CFB: variants seen among roughly 807,000 people sequenced by gnomAD.
CFB encodes the protein B-factor, properdin.
In CFB, 59 loss-of-function variants were observed where a neutral mutation model predicts 97.2. That is an observed-to-expected ratio of 0.61 (90% CI 0.49 to 0.75). The LOEUF (loss-of-function observed/expected upper bound fraction) is 0.75. CFB is among the 30% of genes least tolerant of loss of function. The pLI is 0.00. For missense variants in CFB, 771 were observed against 959.8 expected (o/e 0.80, Z 2.60); for synonymous variants, 316 against 351.7 (o/e 0.90, Z 1.14).
Position 31,946,871 on chromosome 6 carries a change from A to G in CFB, c.299-136A>G. 1.1e-6 allele frequency: 1 copy of G among 907,086 alleles called. No individual in the cohort carries two copies. The highest frequency in any genetic ancestry group is 1.8e-6 in the Non-Finnish European group (1 of 564,144). 56.2% of individuals were successfully genotyped at this position (907,086 alleles called of 1,614,324 possible). On this transcript the variant is annotated intron_variant, in intron 2 of 17. Coordinates refer to ENST00000425368, the MANE Select transcript of CFB (RefSeq NM_001710.6). This position sits in a 1 kb window ranked among gnomAD's most constrained non-coding sequence, Gnocchi z 6.4. ...AAGCAGTGGAAATCCATATGGGTTG[A>G]GGAGTAGGTAAGATGCTGCTTCTGC...
chr6:31,949,887 C>A, intron 10 of CFB, 163 bp from the exon 11 acceptor site: 1 of 769,342 alleles, frequency 1.3e-6, no homozygotes, highest in Non-Finnish European at 2.2e-6. Context: ...TTTCCCTTTT[C>A]AGTCCACCAT....
chr6:31,948,479 G>C lies in CFB; in HGVS notation c.1003G>C (p.Val335Leu), dbSNP rs1394987020. ...SEADSSNADWVTKQLNEINYE... is the reference protein window; with the variant it reads ...SEADSSNADWLTKQLNEINYE... ...AGCAGACAGCAGTAATGCAGACTGG[G>C]TCACGAAGCAGCTCAATGAAATCAA... Residue 335 changes from valine to leucine, a missense_variant, in exon 7 of 18, where the codon GTC becomes CTC. Physicochemically the swap from Val to Leu is conservative, Grantham distance 32. Coordinates refer to ENST00000425368, the MANE Select transcript of CFB (RefSeq NM_001710.6). The C allele has an allele frequency of 6.2e-7, 1 of 1,614,184 alleles. No individual in the cohort carries two copies. The highest frequency in any genetic ancestry group is 2.2e-5 in the East Asian group (1 of 44,876).
Position 31,946,292 on chromosome 6 carries a change from G to A in CFB, c.64+7G>A, listed in dbSNP as rs985408626. On this transcript the variant is annotated splice_region_variant and intron_variant, in intron 1 of 17. Transcript: ENST00000425368. The surrounding 1 kb of genome is among the most constrained non-coding windows in gnomAD (Gnocchi z 6.4). ...TTGGGCCTCTTGTCTGGAGGTAAGC[G>A]AGGGTAACCTTCCCTTCCTGCTGTC... 14 of 1,612,942 alleles carry A rather than the reference G, an allele frequency of 8.7e-6. No individual in the cohort carries two copies. The highest frequency in any genetic ancestry group is 2.7e-5 in the African/African-American group (2 of 74,922).
intron 10 of CFB, 133 bp from the exon 11 acceptor site, chr6:31,949,917 G>A (rs1247557771): frequency 2.3e-5 from 20 of 877,630 alleles, no homozygotes; most frequent in Non-Finnish European, 3.6e-5. Flanking sequence ...CTCCTAACAC[G>A]AGGAAACAAA....
Position 31,948,978 on chromosome 6 carries a change from C to A in CFB, c.1168+17C>A, listed in dbSNP as rs1433230755. On this transcript the variant is annotated intron_variant, in intron 8 of 17. Coordinates refer to ENST00000425368, the MANE Select transcript of CFB (RefSeq NM_001710.6). ...TGACTGATGGTCAGAAGGGACCTCT[C>A]TCCTGTCCCAGCCTCCCCACCTTCT... The A allele has an allele frequency of 6.2e-7, 1 of 1,612,782 alleles. No homozygotes were observed. Among genetic ancestry groups the A allele is most frequent in the East Asian group, 2.2e-5 (1 of 44,894 alleles).
chr6:31,950,687 A>G lies in CFB; in HGVS notation c.1693A>G (p.Lys565Glu), dbSNP rs4151659. 20,062 of 1,613,060 alleles carry G rather than the reference A, an allele frequency of 0.012. 218 individuals carry two copies. The highest frequency in any genetic ancestry group is 0.034 in the African/African-American group (2,535 of 75,026). ...CCCCAACTACAACATTAATGGGAAA[A>G]AAGAAGCAGGAATTCCTGAATTTTA... The part of the protein sequence containing the change: ...FHPNYNINGK[K>E]EAGIPEFYDY... The change falls in exon 13 of 18, where the codon AAA becomes GAA. Residue 565 changes from lysine (K) to glutamate (E), a missense_variant. By Grantham distance (56) the Lys-to-Glu change is moderately conservative. Coordinates refer to ENST00000425368, the MANE Select transcript of CFB (RefSeq NM_001710.6).
At position 31,952,007 on chromosome 6, in the gene CFB, G is replaced by A. The variant is rs777754697; in HGVS notation, c.2272G>A (p.Asp758Asn). Residue 758 changes from aspartate to asparagine, a missense_variant, in exon 18 of 18, where the codon GAT becomes AAT. Transcript: ENST00000425368. The part of the protein sequence containing the change: ...VLPWLKEKLQ[D>N]EDLGFL ...GCCCTGGCTGAAGGAGAAACTCCAAGATGAGGATTTGGGTTTTCTATAAGG... is the reference window on the plus strand; with the variant it reads ...GCCCTGGCTGAAGGAGAAACTCCAAAATGAGGATTTGGGTTTTCTATAAGG... 11 of 1,612,882 alleles carry A rather than the reference G, an allele frequency of 6.8e-6. No individual in the cohort carries two copies. Among genetic ancestry groups the A allele is most frequent in the Non-Finnish European group, 9.3e-6 (11 of 1,180,038 alleles).
rs1163282830 is a variant in CFB at position 31,950,783 on chromosome 6, C to G, written c.1778+11C>G. 3 of 1,613,034 alleles carry G rather than the reference C, an allele frequency of 1.9e-6. No individual in the cohort carries two copies. The South Asian group carries it at 3.3e-5, about 18-fold the overall frequency. On this transcript the variant is annotated intron_variant, in intron 13 of 17. Coordinates refer to ENST00000425368, the MANE Select transcript of CFB (RefSeq NM_001710.6). The stretch of plus-strand genomic sequence containing the variant: ...TGGCCAGACTATCAGGTGAGAGCGT[C>G]CAGATCCCTGAGGAAAGGCTGGGAA...
At position 31,951,853 on chromosome 6, in the gene CFB, T is replaced by C; in HGVS notation, c.2140-22T>C. On this transcript the variant is annotated intron_variant, in intron 17 of 17. Transcript: ENST00000425368. The surrounding 1 kb of genome is among the most constrained non-coding windows in gnomAD (Gnocchi z 4.3). ...ATTAGGAATTCTACTGAATGATCCA[T>C]GGCACCCCACTGCCTCTGCAGGTTG... The C allele has an allele frequency of 3.1e-6, 5 of 1,613,206 alleles. No homozygotes were observed. The highest frequency in any genetic ancestry group is 4.2e-6 in the Non-Finnish European group (5 of 1,180,024).
At position 31,947,699 on chromosome 6, in the gene CFB, C is replaced by A. The variant is rs373357787; in HGVS notation, c.659-43C>A. ...CCCCCGTCTCTTTGGTCACTGTATCCCTGACACTCCCAGACATTTGACCTC... is the reference window on the plus strand; with the variant it reads ...CCCCCGTCTCTTTGGTCACTGTATCACTGACACTCCCAGACATTTGACCTC... On this transcript the variant is annotated intron_variant, in intron 4 of 17. Transcript: ENST00000425368. This position sits in a 1 kb window ranked among gnomAD's most constrained non-coding sequence, Gnocchi z 5.3. 1.5e-4 allele frequency: 244 copies of A among 1,603,116 alleles called. No individual in the cohort carries two copies. In the Middle Eastern group the frequency reaches 1.7e-3, roughly 11 times the overall value.
chr6:31,949,607 GAAGT>G (rs766591425), intron 10 of CFB, 50 bp downstream of exon 10: 72 of 1,607,470 alleles, frequency 4.5e-5, no homozygotes, highest in Non-Finnish European at 5.9e-5. Flanking sequence ...AGGTTCCCCT[GAAGT>G]AATTCATTCT....
In CFB at chr6:31,949,518, G is replaced by A. The variant is rs1771627273; in HGVS notation, c.1369G>A (p.Asp457Asn). 6.2e-7 allele frequency: 1 copy of A among 1,613,530 alleles called. No individual in the cohort carries two copies. Among genetic ancestry groups the A allele is most frequent in the Non-Finnish European group, 8.5e-7 (1 of 1,180,048 alleles). ...TGAGCAACATGTGTTCAAAGTCAAGGATATGGAAAACCTGGAAGATGTTTT... is the reference window on the plus strand; with the variant it reads ...TGAGCAACATGTGTTCAAAGTCAAGAATATGGAAAACCTGGAAGATGTTTT... The part of the protein sequence containing the change: ...DNEQHVFKVK[D>N]MENLEDVFYQ... The change falls in exon 10 of 18, where the codon GAT becomes AAT. Residue 457 changes from aspartate to asparagine, a missense_variant. Coordinates refer to ENST00000425368, the MANE Select transcript of CFB (RefSeq NM_001710.6).
chr6:31,946,245 A>G lies in CFB; in HGVS notation c.24A>G (p.Gln8=). 1 of 1,613,006 alleles carries G rather than the reference A, an allele frequency of 6.2e-7. No homozygotes were observed. The highest frequency in any genetic ancestry group is 8.5e-7 in the Non-Finnish European group (1 of 1,180,012). The change falls in exon 1 of 18, where the codon CAA becomes CAG. Residue 8 remains glutamine, a synonymous_variant. Transcript: ENST00000425368. This position sits in a 1 kb window ranked among gnomAD's most constrained non-coding sequence, Gnocchi z 6.4. MGSNLSP[Q]LCLMPFILGL... Reference sequence around the variant, plus strand: ...CCATGGGGAGCAATCTCAGCCCCCAACTCTGCCTGATGCCCTTTATCTTGG... The same window carrying G: ...CCATGGGGAGCAATCTCAGCCCCCAGCTCTGCCTGATGCCCTTTATCTTGG...
rs749088510 is a variant in CFB, at chr6:31,949,517, G to A, written c.1368G>A (p.Lys456=). Residue 456 remains lysine (K), a synonymous_variant, in exon 10 of 18, where the codon AAG becomes AAA. Coordinates refer to ENST00000425368, the MANE Select transcript of CFB (RefSeq NM_001710.6). ...KDNEQHVFKV[K]DMENLEDVFY... is the part of the protein sequence containing the mutation. ...ATGAGCAACATGTGTTCAAAGTCAA[G>A]GATATGGAAAACCTGGAAGATGTTT... is the stretch of plus-strand genomic sequence containing the variant. The A allele has an allele frequency of 2.5e-6, 4 of 1,613,414 alleles. No homozygotes were observed. The highest frequency in any genetic ancestry group is 3.4e-6 in the Non-Finnish European group (4 of 1,180,054).
Position 31,951,787 on chromosome 6 carries a change from A to C in CFB, c.2140-88A>C. 6.2e-7 allele frequency: 1 copy of C among 1,601,344 alleles called. No individual in the cohort carries two copies. The highest frequency in any genetic ancestry group is 1.3e-5 in the African/African-American group (1 of 74,760). On this transcript the variant is annotated intron_variant, in intron 17 of 17. Coordinates refer to ENST00000425368, the MANE Select transcript of CFB (RefSeq NM_001710.6). This position sits in a 1 kb window ranked among gnomAD's most constrained non-coding sequence, Gnocchi z 4.3. ...GCTGGGTCCCTAGTCTGATTCCTTT[A>C]GGTCAGCTAAGACACAAGCAGGAAC...
chr6:31,946,890 C>T lies in CFB; in HGVS notation c.299-117C>T, dbSNP rs901027319. 48 of 1,079,138 alleles carry T rather than the reference C, an allele frequency of 4.4e-5. No homozygotes were observed. In the Admixed American group the frequency reaches 8.8e-4, roughly 20 times the overall value. 66.8% of individuals were successfully genotyped at this position (1,079,138 alleles called of 1,614,324 possible). A position where few individuals can be genotyped will look rare whatever the true frequency, so the allele number is the denominator to read the frequency against. ...GGGTTGAGGAGTAGGTAAGATGCTG[C>T]TTCTGCGGGACTGGGAATGCGCTGT... On this transcript the variant is annotated intron_variant, in intron 2 of 17. Transcript: ENST00000425368. This position sits in a 1 kb window ranked among gnomAD's most constrained non-coding sequence, Gnocchi z 6.4.
Position 31,946,560 on chromosome 6 carries a change from C to T in CFB, c.252C>T (p.Thr84=). ...GCAGATCTACGGGGTCCTGGAGCAC[C>T]CTGAAGACTCAAGACCAAAAGACTG... ...RTCRSTGSWS[T]LKTQDQKTVR... Residue 84 remains threonine, a synonymous_variant, in exon 2 of 18, where the codon ACC becomes ACT. Coordinates refer to ENST00000425368, the MANE Select transcript of CFB (RefSeq NM_001710.6). This position sits in a 1 kb window ranked among gnomAD's most constrained non-coding sequence, Gnocchi z 6.4. The T allele has an allele frequency of 1.2e-6, 2 of 1,612,430 alleles. No individual in the cohort carries two copies. The highest frequency in any genetic ancestry group is 2.2e-5 in the South Asian group (2 of 91,084).
At position 31,951,417 on chromosome 6, in the gene CFB, C is replaced by T; in HGVS notation, c.2033C>T (p.Pro678Leu). Residue 678 changes from proline (P) to leucine (L), a missense_variant, in exon 16 of 18, where the codon CCT becomes CTT. Physicochemically the swap from Pro to Leu is moderately conservative, Grantham distance 98. Transcript: ENST00000425368. The surrounding 1 kb of genome is among the most constrained non-coding windows in gnomAD (Gnocchi z 4.3). ...AAGGACATCTCAGAGGTGGTCACCC[C>T]TCGGTTCCTTTGTACTGGAGGAGTG... ...KVKDISEVVTPRFLCTGGVSP... is the reference protein window; with the variant it reads ...KVKDISEVVTLRFLCTGGVSP... 6.2e-7 allele frequency: 1 copy of T among 1,614,192 alleles called. No homozygotes were observed. The highest frequency in any genetic ancestry group is 1.1e-5 in the South Asian group (1 of 91,084).
rs756948669 is a variant in CFB, at chr6:31,948,035, G to A, written c.851G>A (p.Ser284Asn). ...VLDGSDSIGA[S>N]NFTGAKKCLV... ...GATGGATCAGACAGCATTGGGGCCA[G>A]CAACTTCACAGGAGCCAAAAAGTGT... is the stretch of plus-strand genomic sequence containing the variant. Residue 284 changes from serine (S) to asparagine (N), a missense_variant, in exon 6 of 18, where the codon AGC (serine) becomes AAC (asparagine). Ser to Asn is a conservative substitution (Grantham distance 46). Coordinates refer to ENST00000425368, the MANE Select transcript of CFB (RefSeq NM_001710.6). The A allele has an allele frequency of 6.8e-6, 11 of 1,614,220 alleles. No homozygotes were observed. Among genetic ancestry groups the A allele is most frequent in the Non-Finnish European group, 9.3e-6 (11 of 1,180,052 alleles).
Sources: gnomAD v4.1 joint callset for allele counts on GRCh38, gnomAD v4.1.1 for gene constraint, Gnocchi (gnomAD v3.1) non-coding constraint, MANE v1.5 for transcripts, NCBI Gene and HGNC (gene_info 2026-07-23, HGNC 2026-07-21) for gene names.